COL7A1: variants seen among roughly 807,000 people sequenced by gnomAD.
The protein encoded by COL7A1 is collagen alpha-1(VII) chain.
A neutral mutation model predicts 456.2 loss-of-function variants in COL7A1; 296 were observed. That is an observed-to-expected ratio of 0.65 (90% confidence interval 0.59 to 0.71). COL7A1 has a LOEUF of 0.71. Ranked by LOEUF, COL7A1 falls within the 30% of genes least tolerant of loss-of-function variation. COL7A1 has a pLI of 0.00. For missense variants in COL7A1, 3,441 were observed against 4,017.2 expected, an observed-to-expected ratio of 0.86 and a Z score of 3.88; for synonymous variants, 1,464 against 1,525.9, an observed-to-expected ratio of 0.96 and a Z score of 0.95.
chr3:48,589,178 G>A (rs536030331), intron 18 of COL7A1, 149 bp downstream of exon 18: 26 of 1,449,888 alleles, frequency 1.8e-5, no homozygotes, highest in East Asian at 1.4e-4. Context: ...GGAGGTCACC[G>A]TGGGTGGACA....
chr3:48,575,565 G>T lies in COL7A1; in HGVS notation c.5980-26C>A. On this transcript the variant is annotated intron_variant, in intron 73 of 118. Transcript: ENST00000681320. This position sits in a 1 kb window ranked among gnomAD's most constrained non-coding sequence, Gnocchi z 6.3. ...CTGCAGGAGTGGAAGAGAGAATGCTGGTGGCTGTACAGCTACACCCCACTC... is the reference window on the plus strand; with the variant it reads ...CTGCAGGAGTGGAAGAGAGAATGCTTGTGGCTGTACAGCTACACCCCACTC... The T allele has an allele frequency of 6.2e-7, 1 of 1,612,506 alleles. No homozygotes were observed. Among genetic ancestry groups the T allele is most frequent in the South Asian group, 1.1e-5 (1 of 91,088 alleles).
chr3:48,586,118 T>C lies in COL7A1; in HGVS notation c.3679A>G (p.Ser1227Gly). 1 of 1,613,548 alleles carries C rather than the reference T, an allele frequency of 6.2e-7. No individual in the cohort carries two copies. The highest frequency in any genetic ancestry group is 8.5e-7 in the Non-Finnish European group (1 of 1,180,024). ...DDGPSLDQAV[S>G]GLATALCQAS... Reference sequence around the variant, plus strand: ...TGACACAGGGCTGTGGCCAGACCACTGACTGCCTGGTCCAGGCTTGGCCCA... The same window carrying C: ...TGACACAGGGCTGTGGCCAGACCACCGACTGCCTGGTCCAGGCTTGGCCCA... Residue 1227 changes from serine (S) to glycine (G), a missense_variant, in exon 28 of 119, where the codon AGT becomes GGT. Ser to Gly is a moderately conservative substitution (Grantham distance 56). Coordinates refer to ENST00000681320, the MANE Select transcript of COL7A1 (RefSeq NM_000094.4). This position sits in a 1 kb window ranked among gnomAD's most constrained non-coding sequence, Gnocchi z 5.1.
chr3:48,564,537 G>T lies in COL7A1; in HGVS notation c.8819-115C>A. The T allele has an allele frequency of 7.7e-7, 1 of 1,291,152 alleles. No homozygotes were observed. Among genetic ancestry groups the T allele is most frequent in the Non-Finnish European group, 1.1e-6 (1 of 905,718 alleles). The allele number at this position is 1,291,152 out of a possible 1,614,324, so 80.0% of individuals were successfully genotyped here. On this transcript the variant is annotated intron_variant, in intron 118 of 118. Transcript: ENST00000681320. The surrounding 1 kb of genome is among the most constrained non-coding windows in gnomAD (Gnocchi z 6.0). ...GGCTACAACAGGAAGTGGGGGCTCT[G>T]ACCTCAGAGGGGTCCATACTTAGGT...
In COL7A1 at chr3:48,592,360, C is replaced by T. The variant is rs2045766945; in HGVS notation, c.1084G>A (p.Val362Ile). 6.2e-7 allele frequency: 1 copy of T among 1,613,452 alleles called. No homozygotes were observed. The highest frequency in any genetic ancestry group is 1.3e-5 in the African/African-American group (1 of 74,932). ...CACATCTCTCACTCACCACTGAGGA[C>T]CCGCCATGTCACACGGTAGCCAGTG... ...GATGYRVTWR[V>I]LSGGPTQQQE... is the part of the protein sequence containing the mutation. Residue 362 changes from valine to isoleucine, a missense_variant, in exon 9 of 119, where the codon GTC (valine) becomes ATC (isoleucine). Around this residue, in one of 3 missense-constraint regions of COL7A1, gnomAD observed 913 missense variants for 1,088.2 expected, o/e 0.84. Transcript: ENST00000681320. This position sits in a 1 kb window ranked among gnomAD's most constrained non-coding sequence, Gnocchi z 7.6.
In COL7A1 at chr3:48,586,465, G is replaced by C. The variant is rs771933012; in HGVS notation, c.3417C>G (p.Val1139=). The C allele has an allele frequency of 1.2e-6, 2 of 1,613,790 alleles. No homozygotes were observed. The highest frequency in any genetic ancestry group is 1.7e-6 in the Non-Finnish European group (2 of 1,180,040). ...PSGNNLGTAV[V]TAHRYMLAPD... The stretch of plus-strand genomic sequence containing the variant: ...GTGCCAACATGTATCTGTGAGCTGT[G>C]ACCACGGCTGTGCCTGGAAGGAAGG... Residue 1139 remains valine (V), a synonymous_variant, in exon 27 of 119, where the codon GTC becomes GTG. Transcript: ENST00000681320. The surrounding 1 kb of genome is among the most constrained non-coding windows in gnomAD (Gnocchi z 5.1).
chr3:48,580,338 G>A lies in COL7A1; in HGVS notation c.5059C>T (p.Pro1687Ser). ...DPGEDGRNGS[P>S]GSSGPKGDRG... ...TCACCCTTGGGTCCAGATGATCCAG[G>A]GCTGCCCTGCAGAAAGGCAGGGGTC... The change falls in exon 56 of 119, where the codon CCT becomes TCT. Residue 1687 changes from proline to serine, a missense_variant. Around this residue, in one of 3 missense-constraint regions of COL7A1, gnomAD observed 2,084 missense variants for 2,501.3 expected, o/e 0.83. Transcript: ENST00000681320. This position sits in a 1 kb window ranked among gnomAD's most constrained non-coding sequence, Gnocchi z 4.5. 1.2e-6 allele frequency: 2 copies of A among 1,609,796 alleles called. No homozygotes were observed. Among genetic ancestry groups the A allele is most frequent in the Non-Finnish European group, 8.5e-7 (1 of 1,177,962 alleles).
chr3:48,575,067 G>A lies in COL7A1; in HGVS notation c.6276C>T (p.Pro2092=), dbSNP rs2044194798. 1 of 1,613,008 alleles carries A rather than the reference G, an allele frequency of 6.2e-7. No individual in the cohort carries two copies. Among genetic ancestry groups the A allele is most frequent in the African/African-American group, 1.3e-5 (1 of 74,986 alleles). The part of the protein sequence containing the change: ...GTPGPPGPPG[P]KVSVDEPGPG... ...AAGGCAGGGATGGGGTGATCACCTT[G>A]GGGCCAGGGGGTCCGGGGGGCCCAG... The change falls in exon 76 of 119, where the codon CCC becomes CCT. Residue 2092 remains proline (P), a synonymous_variant. Coordinates refer to ENST00000681320, the MANE Select transcript of COL7A1 (RefSeq NM_000094.4). This position sits in a 1 kb window ranked among gnomAD's most constrained non-coding sequence, Gnocchi z 6.3.
chr3:48,581,459 C>G lies in COL7A1; in HGVS notation c.4807G>C (p.Ala1603Pro), dbSNP rs779766914. ...DRGPIGLTGR[A>P]GPPGDSGPPG... ...TAACGGGTACTCACTGGGGGTCCTG[C>G]TCTGCCAGTAAGGCCAATGGGACCC... Residue 1603 changes from alanine (A) to proline (P), a missense_variant, in exon 51 of 119, where the codon GCA becomes CCA. Transcript: ENST00000681320. The surrounding 1 kb of genome is among the most constrained non-coding windows in gnomAD (Gnocchi z 5.8). 6.2e-7 allele frequency: 1 copy of G among 1,614,052 alleles called. No homozygotes were observed. The highest frequency in any genetic ancestry group is 2.2e-5 in the East Asian group (1 of 44,874).
In COL7A1 at chr3:48,567,502, C is replaced by T; in HGVS notation, c.8046+72G>A. ...TACAGCCTTCCTTGTCCCTACACCC[C>T]CATGACCCGACCATGAGCTTCCCTG... On this transcript the variant is annotated intron_variant, in intron 109 of 118. Coordinates refer to ENST00000681320, the MANE Select transcript of COL7A1 (RefSeq NM_000094.4). The surrounding 1 kb of genome is among the most constrained non-coding windows in gnomAD (Gnocchi z 4.3). 1.2e-6 allele frequency: 2 copies of T among 1,600,878 alleles called. No individual in the cohort carries two copies. The highest frequency in any genetic ancestry group is 2.2e-5 in the East Asian group (1 of 44,822).
At position 48,588,956 on chromosome 3, in the gene COL7A1, AG is replaced by A; in HGVS notation, c.2353del (p.Leu785SerfsTer13). The A allele has an allele frequency of 1.2e-6, 2 of 1,613,602 alleles. No homozygotes were observed. The highest frequency in any genetic ancestry group is 1.7e-6 in the Non-Finnish European group (2 of 1,180,044). ...CCGTAGAACGTCGCTGGAAGCATTG[AG>A]GATCTGCAGCCTCGACACACGACCC... ...PVGRVSRLQI[L>X]NASSDVLRIT... On this transcript the variant is annotated frameshift_variant, in exon 19 of 119. Coordinates refer to ENST00000681320, the MANE Select transcript of COL7A1 (RefSeq NM_000094.4). LOFTEE classifies it high-confidence loss of function. The surrounding 1 kb of genome is among the most constrained non-coding windows in gnomAD (Gnocchi z 4.6).
chr3:48,590,838 G>A lies in COL7A1; in HGVS notation c.1637-22C>T, dbSNP rs1395878027. On this transcript the variant is annotated intron_variant, in intron 13 of 118. Transcript: ENST00000681320. This position sits in a 1 kb window ranked among gnomAD's most constrained non-coding sequence, Gnocchi z 4.6. ...ACCCCTAAGAGAGAAGTCAGGGTAG[G>A]TGGGCAGGGGTCAGAAAGAGACAGG... The A allele has an allele frequency of 2.5e-6, 4 of 1,611,034 alleles. No homozygotes were observed. The South Asian group carries it at 4.4e-5, about 18-fold the overall frequency.
Position 48,569,913 on chromosome 3 carries a change from C to G in COL7A1, c.7488G>C (p.Gly2496=). ...CACGCTCTCCCCTGCTGCCAGGGGG[C>G]CCCTGTGTGAGAGAAGGTGACCGTG... ...PGQEGPRGLT[G]PPGSRGERGE... The change falls in exon 100 of 119, where the codon GGG becomes GGC. Residue 2496 remains glycine, a splice_region_variant and synonymous_variant. Transcript: ENST00000681320. The surrounding 1 kb of genome is among the most constrained non-coding windows in gnomAD (Gnocchi z 4.9). 1 of 1,613,988 alleles carries G rather than the reference C, an allele frequency of 6.2e-7. No homozygotes were observed. Among genetic ancestry groups the G allele is most frequent in the Non-Finnish European group, 8.5e-7 (1 of 1,179,916 alleles).
chr3:48,581,907 T>C lies in COL7A1; in HGVS notation c.4668+4A>G. On this transcript the variant is annotated splice_donor_region_variant and intron_variant, in intron 48 of 118. Transcript: ENST00000681320. This position sits in a 1 kb window ranked among gnomAD's most constrained non-coding sequence, Gnocchi z 5.8. Reference sequence around the variant, plus strand: ...AACCTCCCCTTGCCCCATACCAGGCTTACCTTTTCTCCTTTGGGTCCAGCA... The same window carrying C: ...AACCTCCCCTTGCCCCATACCAGGCCTACCTTTTCTCCTTTGGGTCCAGCA... 2 of 1,614,068 alleles carry C rather than the reference T, an allele frequency of 1.2e-6. No individual in the cohort carries two copies. The highest frequency in any genetic ancestry group is 1.7e-6 in the Non-Finnish European group (2 of 1,180,022).
chr3:48,588,428 GGGAGGCTCT>G lies in COL7A1; in HGVS notation c.2588-33_2588-25del. On this transcript the variant is annotated intron_variant, in intron 20 of 118. Coordinates refer to ENST00000681320, the MANE Select transcript of COL7A1 (RefSeq NM_000094.4). This position sits in a 1 kb window ranked among gnomAD's most constrained non-coding sequence, Gnocchi z 4.6. Reference sequence around the variant, plus strand: ...CGCTGGAGAGAAAGCTCAGGAATCAGGGAGGCTCTGCCCCCATGGCCCCTGCACCAATCC... The same window carrying G: ...CGCTGGAGAGAAAGCTCAGGAATCAGGCCCCCATGGCCCCTGCACCAATCC... 6.2e-7 allele frequency: 1 copy of G among 1,604,562 alleles called. No individual in the cohort carries two copies. Among genetic ancestry groups the G allele is most frequent in the Non-Finnish European group, 8.5e-7 (1 of 1,179,312 alleles).
chr3:48,572,404 A>G lies in COL7A1; in HGVS notation c.6954T>C (p.Leu2318=), dbSNP rs1054273238. Residue 2318 remains leucine, a synonymous_variant, in exon 90 of 119, where the codon CTT becomes CTC. Transcript: ENST00000681320. This position sits in a 1 kb window ranked among gnomAD's most constrained non-coding sequence, Gnocchi z 4.6. ...CCGGCTCACCCACCAGGTCTCCAGCAAGGCCTCCAGGGGCTCCCTGGTAAG... is the reference window on the plus strand; with the variant it reads ...CCGGCTCACCCACCAGGTCTCCAGCGAGGCCTCCAGGGGCTCCCTGGTAAG... ...AKGEKGAPGG[L]AGDLVGEPGA... is the part of the protein sequence containing the mutation. 1.9e-6 allele frequency: 3 copies of G among 1,614,062 alleles called. No individual in the cohort carries two copies. Among genetic ancestry groups the G allele is most frequent in the Admixed American group, 3.3e-5 (2 of 60,020 alleles).
rs748854484 is a variant in COL7A1 at position 48,591,906 on chromosome 3, C to G, written c.1349G>C (p.Arg450Pro). The G allele has an allele frequency of 3.7e-6, 6 of 1,614,172 alleles. No homozygotes were observed. The highest frequency in any genetic ancestry group is 5.1e-6 in the Non-Finnish European group (6 of 1,180,032). The part of the protein sequence containing the change: ...EARGYRLEWR[R>P]ETGLEPPQKV... Reference sequence around the variant, plus strand: ...CCTTCCCCCGCACTGACCAGTCTCACGCCGCCATTCCAACCGGTAGCCACG... The same window carrying G: ...CCTTCCCCCGCACTGACCAGTCTCAGGCCGCCATTCCAACCGGTAGCCACG... Residue 450 changes from arginine to proline, a missense_variant, in exon 11 of 119, where the codon CGT becomes CCT. Physicochemically the swap from Arg to Pro is moderately radical, Grantham distance 103 (BLOSUM62 -2). Transcript: ENST00000681320. This position sits in a 1 kb window ranked among gnomAD's most constrained non-coding sequence, Gnocchi z 7.0.
In COL7A1 at chr3:48,590,214, C is replaced by G. The variant is rs761908265; in HGVS notation, c.2049G>C (p.Thr683=). 2.5e-6 allele frequency: 4 copies of G among 1,612,922 alleles called. No homozygotes were observed. The highest frequency in any genetic ancestry group is 3.4e-6 in the Non-Finnish European group (4 of 1,179,748). Residue 683 remains threonine, a splice_region_variant and synonymous_variant, in exon 16 of 119, where the codon ACG becomes ACC. Coordinates refer to ENST00000681320, the MANE Select transcript of COL7A1 (RefSeq NM_000094.4). The surrounding 1 kb of genome is among the most constrained non-coding windows in gnomAD (Gnocchi z 4.6). ...CAAGGGACGGGGGCAGGGCCTGACCCGTTCGAGCCACGATGACTGCAGCAG... is the reference window on the plus strand; with the variant it reads ...CAAGGGACGGGGGCAGGGCCTGACCGGTTCGAGCCACGATGACTGCAGCAG... ...EGPAAVIVAR[T]DPLGPVRTVH... is the part of the protein sequence containing the mutation.
In COL7A1 at chr3:48,589,256, G is replaced by A. The variant is rs1477672352; in HGVS notation, c.2314+71C>T. 11 of 1,603,280 alleles carry A rather than the reference G, an allele frequency of 6.9e-6. No individual in the cohort carries two copies. In the Admixed American group the frequency reaches 1.2e-4, roughly 17 times the overall value. ...TGAGCAGGGGGGTGGAGGCAGCTGG[G>A]CAATCAGGAACACACAGCAGGGCAG... On this transcript the variant is annotated intron_variant, in intron 18 of 118. Transcript: ENST00000681320.
chr3:48,572,659 G>C lies in COL7A1; in HGVS notation c.6900+12C>G, dbSNP rs1272693226. 3 of 1,603,906 alleles carry C rather than the reference G, an allele frequency of 1.9e-6. No homozygotes were observed. Among genetic ancestry groups the C allele is most frequent in the Non-Finnish European group, 1.7e-6 (2 of 1,175,136 alleles). On this transcript the variant is annotated intron_variant, in intron 88 of 118. Transcript: ENST00000681320. The surrounding 1 kb of genome is among the most constrained non-coding windows in gnomAD (Gnocchi z 4.6). ...GTTGCTGCAGGGGGTGGAAGTCAGG[G>C]TCAAAGATCACCTGTCCAGGGGCCC...
Sources: gnomAD v4.1 joint callset for allele counts on GRCh38, gnomAD v4.1.1 for gene constraint, gnomAD v4.1.1 regional missense constraint, Gnocchi (gnomAD v3.1) non-coding constraint, MANE v1.5 for transcripts, NCBI Gene and HGNC (gene_info 2026-07-23, HGNC 2026-07-21) for gene names.